The following LARP1B variants were observed in gnomAD, a reference collection of about 807,000 sequenced individuals.
LARP1B encodes La ribonucleoprotein 1B.
In LARP1B, 76 loss-of-function variants were observed where a neutral mutation model predicts 114.2. That is an observed-to-expected ratio of 0.67 (90% CI 0.55 to 0.81). The LOEUF is 0.81. Among genes scored for constraint, LARP1B ranks in the 30% least tolerant of loss-of-function variants. The pLI is 0.00. For synonymous variants in LARP1B, 345 were observed against 348.0 expected, an observed-to-expected ratio of 0.99 and a Z score of 0.10; for missense variants, 1,014 against 1,075.8, an observed-to-expected ratio of 0.94 and a Z score of 0.80.
intron 11 of LARP1B, chr4:128,155,998 CT>C (rs1735427548): frequency 4.5e-6 from 7 of 1,554,998 alleles, no homozygotes; most frequent in Non-Finnish European, 6.1e-6. Flanking sequence ...TTGTATCTCC[CT>C]TTCCCCAGGG....
At chr4:128,155,519 T>C (rs1480536755) in intron 11 of LARP1B, 4 of 789,794 alleles carry the variant, frequency 5.1e-6, no homozygotes, top group South Asian at 1.3e-5. Context: ...ATCAGCAACA[T>C]GAGTGGCAGT....
chr4:128,121,705 G>C, intron 10 of LARP1B, 121 bp from the exon 11 acceptor site: 3 of 632,458 alleles, frequency 4.7e-6, no homozygotes, highest in South Asian at 3.2e-5. Flanking sequence ...TTACAGTTTG[G>C]CTGTTAAACT....
At chr4:128,204,159 A>G (rs573339124) in intron 17 of LARP1B, among the ~76,000 whole-genome samples, 12 of 152,202 alleles carry the variant, frequency 7.9e-5, no homozygotes, top group South Asian at 6.2e-4. Flanking sequence ...AAGAATTTCT[A>G]TATTCCTCTA....
At position 128,220,365 on chromosome 4, in the gene LARP1B, C is replaced by T. The variant is rs565947215; in HGVS notation, n.859C>T. 8 of 962,428 alleles carry T rather than the reference C, an allele frequency of 8.3e-6. No homozygotes were observed. The South Asian group carries it at 1.4e-4, about 17-fold the overall frequency. The allele number at this position is 962,428 out of a possible 1,614,324, so 59.6% of individuals were successfully genotyped here. ...TTTATTCTTGCATAGGAGGCTGATC[C>T]GATAGAGTAATACCTAATTATATCA... On this transcript the variant is annotated non_coding_transcript_exon_variant, in exon 7 of 8. Coordinates refer to the LARP1B transcript ENST00000503725.
chr4:128,149,634 G>C (rs1241787174), intron 11 of LARP1B, among the ~76,000 whole-genome samples: 1 of 152,200 alleles, frequency 6.6e-6, no homozygotes. Flanking sequence ...CTTAAGATCA[G>C]ATTTGGAAAT....
chr4:128,190,147 A>G (rs1751751192), intron 15 of LARP1B, among the ~76,000 whole-genome samples: 1 of 152,298 alleles, frequency 6.6e-6, no homozygotes, highest in African/African-American at 2.4e-5. Context: ...TTGTCTAGGA[A>G]AGACTTTATA....
intron 11 of LARP1B, among the ~76,000 whole-genome samples, chr4:128,138,588 C>A (rs186193897): frequency 3.0e-4 from 46 of 152,190 alleles, no homozygotes; most frequent in African/African-American, 1.0e-3. Flanking sequence ...AAGAACATAT[C>A]TTTGGTACCT....
downstream of LARP1B, among the ~76,000 whole-genome samples, chr4:128,212,598 G>A (rs1378603324): frequency 3.9e-5 from 6 of 152,010 alleles, no homozygotes; most frequent in East Asian, 3.9e-4. Context: ...GCAATGAGCC[G>A]AGTCCGCACC....
intron 1 of LARP1B, chr4:128,061,665 C>CCGGCTGGGG (rs890564707): frequency 4.4e-5 from 43 of 984,790 alleles, no homozygotes; most frequent in Non-Finnish European, 5.1e-5. Context: ...CGGGGCCACC[C>CCGGCTGGGG]CGGCTGGGGC....
rs559312234 is a variant in LARP1B, at chr4:128,129,164, C to CAAAAAAAAAAAAAAAA, written c.1524+7001_1524+7016dup. On this transcript the variant is annotated intron_variant, in intron 11 of 19. Coordinates refer to ENST00000326639, the MANE Select transcript of LARP1B (RefSeq NM_018078.4). The stretch of plus-strand genomic sequence containing the variant: ...TGGGCGACAGAGCGAGACTCTGTCT[C>CAAAAAAAAAAAAAAAA]AAAAAAAAAAAAAAAAAAAAAAAAA... Among the ~76,000 whole-genome samples the CAAAAAAAAAAAAAAAA allele has an allele frequency of 1.0e-4, 5 of 49,142 alleles. 1 individual carries two copies. The highest frequency in any genetic ancestry group is 2.9e-4 in the African/African-American group (3 of 10,316). The allele number at this position is 49,142 out of a possible 152,430, so 32.2% of individuals were successfully genotyped here. A position where few individuals can be genotyped will look rare whatever the true frequency, so the allele number is the denominator to read the frequency against.
At chr4:128,087,898 T>C (rs1013365402) in intron 5 of LARP1B, among the ~76,000 whole-genome samples, 16 of 151,978 alleles carry the variant, frequency 1.1e-4, no homozygotes, top group Admixed American at 9.2e-4. Context: ...TATAGAAAAA[T>C]TGACTTTTTT....
In LARP1B at chr4:128,169,347, C is replaced by CTA. The variant is rs1419713349; in HGVS notation, c.1648+7030_1648+7031insTA. On this transcript the variant is annotated intron_variant, in intron 12 of 19. Transcript: ENST00000326639. ...ACACCATTTTTCTTTCCTATTATAA[C>CTA]CATTTAATACTACAAATTTCCACCT... Among the ~76,000 whole-genome samples, 36 of 151,804 alleles carry CTA rather than the reference C, an allele frequency of 2.4e-4. 1 individual carries two copies.
At chr4:128,128,525 G>T (rs962504173) in intron 11 of LARP1B, among the ~76,000 whole-genome samples, 2 of 152,028 alleles carry the variant, frequency 1.3e-5, no homozygotes, top group Non-Finnish European at 2.9e-5. Flanking sequence ...TAAACACAAG[G>T]CATATTTTAT....
chr4:128,096,774 G>T (rs1172991250), intron 7 of LARP1B, among the ~76,000 whole-genome samples: 3 of 151,488 alleles, frequency 2.0e-5, no homozygotes, highest in Non-Finnish European at 4.4e-5. Context: ...CTAATTTTTT[G>T]TATTTTTAGT....
At chr4:128,106,580 A>G (rs564573037) in intron 8 of LARP1B, among the ~76,000 whole-genome samples, 183 of 151,934 alleles carry the variant, frequency 1.2e-3, no homozygotes, top group Non-Finnish European at 2.3e-3. Context: ...CCTAATGGCT[A>G]AGACTTTTAG....
At chr4:128,086,723 CTG>C (rs1773719707) in intron 5 of LARP1B, among the ~76,000 whole-genome samples, 2 of 152,126 alleles carry the variant, frequency 1.3e-5, no homozygotes, top group East Asian at 1.9e-4. Flanking sequence ...TGGAATACTG[CTG>C]TGTGTATTTC....
rs1786254281 is a variant in LARP1B at position 128,117,420 on chromosome 4, CTT to C, written c.1161+2681_1161+2682del. On this transcript the variant is annotated intron_variant, in intron 10 of 19. Transcript: ENST00000326639. ...TATTTTTTTCAGACAGAATCTCACT[CTT>C]TTGCCCAAGCTGGAGTACAGTGGCG... Among the ~76,000 whole-genome samples the C allele has an allele frequency of 2.6e-5, 4 of 151,954 alleles. No individual in the cohort carries two copies. The South Asian group carries it at 6.2e-4, about 24-fold the overall frequency.
chr4:128,219,063 A>T (rs1307475466), intron 6 of LARP1B, among the ~76,000 whole-genome samples: 1 of 147,410 alleles, frequency 6.8e-6, no homozygotes, highest in African/African-American at 2.5e-5. Flanking sequence ...ATCACTGGCC[A>T]TCAGAGAAAT....
chr4:128,176,694 A>G (rs1581315051), intron 12 of LARP1B, among the ~76,000 whole-genome samples, 178 bp from the exon 13 acceptor site: 2 of 152,312 alleles, frequency 1.3e-5, no homozygotes, highest in Admixed American at 1.3e-4. Flanking sequence ...AACATTATGT[A>G]TGGTAGGCAC....
Sources: allele counts gnomAD v4.1 joint callset (sites outside exome capture counted in the v4.1 genomes callset), GRCh38; gene constraint gnomAD v4.1.1; transcripts MANE v1.5; gene names NCBI Gene and HGNC (gene_info 2026-07-23, HGNC 2026-07-21).